The following PKD1L3 variants were observed in gnomAD, a reference collection of about 807,000 sequenced individuals.
PKD1L3 encodes polycystin 1 like 3, transient receptor potential channel interacting.
Under a neutral mutation model 184.1 loss-of-function variants are expected in PKD1L3, and 239 were observed. The ratio of observed to expected loss-of-function variants is 1.30; its 90% CI spans 1.17 to 1.45. The LOEUF (loss-of-function observed/expected upper bound fraction) is 1.45. Among genes scored for constraint, PKD1L3 ranks in the 40% most tolerant of loss-of-function variants. The pLI is 0.00. For synonymous variants in PKD1L3, 996 were observed against 778.8 expected (o/e 1.28, Z -4.64); for missense variants, 2,660 against 2,067.2 (o/e 1.29, Z -5.56).
In PKD1L3 at chr16:71,947,708, T is replaced by G. The variant is rs571803374; in HGVS notation, c.3619-117A>C. The stretch of plus-strand genomic sequence containing the variant: ...AAACTTCAATTATTTGGCTCTTCAT[T>G]TTAATGAAAAACTAATTTCACATTA... On this transcript the variant is annotated intron_variant, in intron 21 of 29. Coordinates refer to ENST00000620267, the MANE Select transcript of PKD1L3 (RefSeq NM_181536.2). 4.5e-6 allele frequency: 3 copies of G among 671,382 alleles called. No homozygotes were observed. In the South Asian group the frequency reaches 5.9e-5, roughly 13 times the overall value. 41.6% of individuals were successfully genotyped at this position (671,382 alleles called of 1,614,324 possible).
chr16:71,966,548 T>A (rs1259505589), intron 15 of PKD1L3, among the ~76,000 whole-genome samples: 1 of 151,908 alleles, frequency 6.6e-6, no homozygotes, highest in Non-Finnish European at 1.5e-5. Context: ...CACTTCAGTC[T>A]CCTGAGTAGC....
intron 13 of PKD1L3, 145 bp downstream of exon 13, chr16:71,969,730 G>A (rs569805661): frequency 5.3e-6 from 4 of 749,060 alleles, no homozygotes; most frequent in Admixed American, 3.1e-5. Context: ...CAGACACGAA[G>A]ATAAATTTAA....
chr16:71,935,089 A>G (rs1055088996), intron 26 of PKD1L3, among the ~76,000 whole-genome samples: 2 of 152,260 alleles, frequency 1.3e-5, no homozygotes, highest in Non-Finnish European at 2.9e-5. Context: ...AATAATGACC[A>G]ATTCCAGGCC....
chr16:71,939,481 C>T (rs2038289062), intron 24 of PKD1L3, among the ~76,000 whole-genome samples: 1 of 152,204 alleles, frequency 6.6e-6, no homozygotes, highest in African/African-American at 2.4e-5. Flanking sequence ...CTAAGATGTA[C>T]CCCTTGTAGG....
chr16:71,940,462 G>A (rs1203100569), intron 24 of PKD1L3, among the ~76,000 whole-genome samples: 1 of 152,068 alleles, frequency 6.6e-6, no homozygotes, highest in Non-Finnish European at 1.5e-5. Flanking sequence ...ATACCCAGTT[G>A]ATAAGCTCTA....
chr16:71,972,139 C>G (rs1294128476), intron 12 of PKD1L3, among the ~76,000 whole-genome samples: 2 of 152,062 alleles, frequency 1.3e-5, no homozygotes, highest in Non-Finnish European at 2.9e-5. Flanking sequence ...TGGCATGAAC[C>G]TGGGAGGCAG....
rs1184611408 is a variant in PKD1L3, at chr16:71,934,177, G to A, written c.4614-52C>T. ...TCAGCAAGAAGTATGTGCCTATACTGCAGTTTCCCCAGCGCCCCTGCTGCT... is the reference window on the plus strand; with the variant it reads ...TCAGCAAGAAGTATGTGCCTATACTACAGTTTCCCCAGCGCCCCTGCTGCT... On this transcript the variant is annotated intron_variant, in intron 26 of 29. Transcript: ENST00000620267. The A allele has an allele frequency of 4.0e-6, 6 of 1,514,758 alleles. No individual in the cohort carries two copies. The African/African-American group carries it at 6.9e-5, about 17-fold the overall frequency. 93.8% of individuals were successfully genotyped at this position (1,514,758 alleles called of 1,614,324 possible).
At position 71,973,388 on chromosome 16, in the gene PKD1L3, G is replaced by A. The variant is rs1382364813; in HGVS notation, c.1889C>T (p.Thr630Ile). The part of the protein sequence containing the change: ...QQTPSLVSVI[T>I]AVTQCYYWEI... ...CCAGTAGTAACACTGAGTGACGGCG[G>A]TGATGACCGAGACCAAGCTGGGTGT... Residue 630 changes from threonine to isoleucine, a missense_variant, in exon 12 of 30, where the codon ACC becomes ATC. By Grantham distance (89) the Thr-to-Ile change is moderately conservative (BLOSUM62 -1). Coordinates refer to ENST00000620267, the MANE Select transcript of PKD1L3 (RefSeq NM_181536.2). The A allele has an allele frequency of 5.8e-6, 9 of 1,551,570 alleles. No homozygotes were observed. Among genetic ancestry groups the A allele is most frequent in the African/African-American group, 1.4e-5 (1 of 73,044 alleles).
chr16:71,930,304 GGA>G, intron 28 of PKD1L3, 121 bp from the exon 29 acceptor site: 2 of 1,018,626 alleles, frequency 2.0e-6, no homozygotes. Flanking sequence ...GGAAACTTAG[GGA>G]GAGAGTCAAA....
intron 9 of PKD1L3, among the ~76,000 whole-genome samples, chr16:71,978,883 C>A (rs898884613): frequency 1.3e-5 from 2 of 151,976 alleles, no homozygotes; most frequent in African/African-American, 4.8e-5. Flanking sequence ...CTACTAATAC[C>A]GCAAATGAAA....
intron 28 of PKD1L3, among the ~76,000 whole-genome samples, chr16:71,932,214 C>T (rs1161396983): frequency 1.3e-5 from 2 of 152,274 alleles, no homozygotes; most frequent in Middle Eastern, 3.4e-3. Context: ...AATGATCAAC[C>T]ATGATCAAAA....
intron 24 of PKD1L3, among the ~76,000 whole-genome samples, 158 bp downstream of exon 24, chr16:71,942,402 G>C (rs1243881698): frequency 2.0e-5 from 3 of 151,000 alleles, no homozygotes; most frequent in Non-Finnish European, 1.5e-5. Context: ...TGTGATGGGA[G>C]AATAAAAACA....
intron 24 of PKD1L3, among the ~76,000 whole-genome samples, chr16:71,940,665 A>G (rs1348637201): frequency 6.6e-6 from 1 of 151,550 alleles, no homozygotes; most frequent in African/African-American, 2.4e-5. Context: ...ATGCCTGGCT[A>G]ATTTTTGTAT....
intron 13 of PKD1L3, among the ~76,000 whole-genome samples, chr16:71,968,847 C>T (rs1282043820): frequency 1.3e-5 from 2 of 152,092 alleles, no homozygotes; most frequent in African/African-American, 2.4e-5. Context: ...CCACCTGCCT[C>T]GGCCTCCCAG....
chr16:71,985,887 G>A (rs2040340812), intron 5 of PKD1L3, among the ~76,000 whole-genome samples: 1 of 152,322 alleles, frequency 6.6e-6, no homozygotes, highest in African/African-American at 2.4e-5. Flanking sequence ...GTTTTTGGGA[G>A]GAAGGAAACA....
At chr16:71,995,858 A>G (rs1485617572) in intron 2 of PKD1L3, among the ~76,000 whole-genome samples, 1 of 152,174 alleles carries the variant, frequency 6.6e-6, no homozygotes, top group African/African-American at 2.4e-5. Flanking sequence ...CTGCATTCTC[A>G]CTAGCAACTT....
chr16:71,981,923 G>C (rs1301292954), intron 7 of PKD1L3, 136 bp downstream of exon 7: 2 of 962,678 alleles, frequency 2.1e-6, no homozygotes, highest in Admixed American at 3.3e-5. Context: ...GAGAAGGCAT[G>C]GCAGAGGAGT....
At chr16:71,936,588 C>G (rs958352001) in intron 25 of PKD1L3, among the ~76,000 whole-genome samples, 1 of 144,422 alleles carries the variant, frequency 6.9e-6, no homozygotes, top group Admixed American at 7.0e-5. Context: ...GGCGCGATCT[C>G]GGCTCACTGC....
intron 18 of PKD1L3, 150 bp downstream of exon 18, chr16:71,952,744 G>C: frequency 1.4e-6 from 1 of 726,704 alleles, no homozygotes; most frequent in East Asian, 3.2e-5. Context: ...GCTGAGGTGG[G>C]AGGACCACTT....
Sources: gnomAD v4.1 joint callset for allele counts (sites outside exome capture counted in the v4.1 genomes callset) on GRCh38, gnomAD v4.1.1 for gene constraint, MANE v1.5 for transcripts, NCBI Gene and HGNC (gene_info 2026-07-23, HGNC 2026-07-21) for gene names.